RGS22: variants seen among roughly 807,000 people sequenced by gnomAD.
RGS22 encodes the protein regulator of G protein signaling 22.
In RGS22, 148 loss-of-function variants were observed where a neutral mutation model predicts 172.9. The ratio of observed to expected loss-of-function variants is 0.86; its 90% CI spans 0.75 to 0.98. The LOEUF is 0.98. RGS22 is among the 50% of genes least tolerant of loss of function. The pLI, the probability that RGS22 is intolerant of heterozygous loss-of-function variation, is 0.00. For synonymous variants in RGS22, 458 were observed against 480.2 expected (o/e 0.95, Z 0.60); for missense variants, 1,347 against 1,440.8 (o/e 0.93, Z 1.05).
At chr8:100,097,658 G>A (rs987841681) in intron 2 of RGS22, among the ~76,000 whole-genome samples, 3 of 152,188 alleles carry the variant, frequency 2.0e-5, no homozygotes, top group African/African-American at 7.2e-5. Flanking sequence ...TTAGCCTTCT[G>A]TGTATTAAAT....
At chr8:99,979,867 A>C (rs770831610) in intron 22 of RGS22, among the ~76,000 whole-genome samples, 4 of 152,232 alleles carry the variant, frequency 2.6e-5, no homozygotes, top group Non-Finnish European at 5.9e-5. Flanking sequence ...CATGAGAACA[A>C]TCACTTTCAA....
intron 10 of RGS22, among the ~76,000 whole-genome samples, chr8:100,050,544 T>C (rs776049819): frequency 6.6e-6 from 1 of 152,164 alleles, no homozygotes; most frequent in Non-Finnish European, 1.5e-5. Context: ...ACATCCTGAA[T>C]ATAAAGCAAT....
intron 3 of RGS22, among the ~76,000 whole-genome samples, chr8:100,092,933 G>A (rs1001448880): frequency 2.6e-5 from 4 of 152,154 alleles, no homozygotes; most frequent in African/African-American, 9.7e-5. Context: ...CTATCCAAGA[G>A]GATGAAAATA....
At chr8:99,984,492 C>G (rs923747522) in intron 21 of RGS22, among the ~76,000 whole-genome samples, 1 of 151,800 alleles carries the variant, frequency 6.6e-6, no homozygotes, top group African/African-American at 2.4e-5. Context: ...TTAACTCTTG[C>G]CTATTATTAA....
intron 4 of RGS22, among the ~76,000 whole-genome samples, chr8:100,077,189 A>AT (rs989123279): frequency 1.1e-4 from 16 of 151,288 alleles, no homozygotes; most frequent in African/African-American, 3.6e-4. Flanking sequence ...AATTTCATTG[A>AT]TTTTTTCAAA....
chr8:100,072,930 G>A (rs977406727), intron 4 of RGS22, among the ~76,000 whole-genome samples: 2 of 152,146 alleles, frequency 1.3e-5, no homozygotes, highest in Non-Finnish European at 2.9e-5. Flanking sequence ...AGAAAGGTTG[G>A]AGAGGTAGAA....
At chr8:100,018,044 G>A (rs1264107112) in intron 14 of RGS22, among the ~76,000 whole-genome samples, 1 of 152,030 alleles carries the variant, frequency 6.6e-6, no homozygotes, top group Non-Finnish European at 1.5e-5. Flanking sequence ...AGGGATACAA[G>A]CACTGCCTGT....
chr8:100,083,526 C>G (rs1274419982), intron 3 of RGS22, among the ~76,000 whole-genome samples: 3 of 151,898 alleles, frequency 2.0e-5, no homozygotes, highest in African/African-American at 7.3e-5. Flanking sequence ...CACCACCATG[C>G]CAAGCTAATT....
chr8:100,059,894 TG>T, intron 9 of RGS22, among the ~76,000 whole-genome samples: 1 of 152,298 alleles, frequency 6.6e-6, no homozygotes. Flanking sequence ...TTTAAAAAAA[TG>T]GTTTTAATAA....
In RGS22 at chr8:100,105,414, C is replaced by A. The variant is rs903994828; in HGVS notation, c.26-12G>T. 2.5e-6 allele frequency: 4 copies of A among 1,597,374 alleles called. No individual in the cohort carries two copies. The Admixed American group carries it at 6.7e-5, about 27-fold the overall frequency. ...AATAGTTGGTGGCTCTGAAACAAGA[C>A]AAAATATTACATTATCTCCCTCAAA... On this transcript the variant is annotated splice_polypyrimidine_tract_variant and intron_variant, in intron 1 of 27. Transcript: ENST00000360863.
intron 24 of RGS22, 57 bp downstream of exon 24, chr8:99,965,278 T>A: frequency 8.8e-7 from 1 of 1,141,730 alleles, no homozygotes; most frequent in Non-Finnish European, 1.3e-6. Flanking sequence ...AGTTACTGCA[T>A]TCCACTATCC....
intron 11 of RGS22, chr8:100,042,877 T>TTG (rs1820285092): frequency 6.6e-6 from 1 of 152,160 alleles, no homozygotes; most frequent in South Asian, 2.1e-4. Flanking sequence ...TGAGACACAG[T>TTG]TGTGACTAAT....
intron 14 of RGS22, among the ~76,000 whole-genome samples, chr8:100,037,430 A>G (rs931506958): frequency 2.0e-5 from 3 of 152,180 alleles, no homozygotes; most frequent in African/African-American, 7.2e-5. Context: ...AAATGTCTCC[A>G]TTGTTTTCCT....
In RGS22 at chr8:100,063,950, C is replaced by CCTT. The variant is rs745432794; in HGVS notation, c.815_817dup (p.Glu272dup). ...AGATACAGACACCTCTTCTTCTTCT[C>CCTT]CTTCTTCTTCTTCAAATTCAGAAAT... On this transcript the variant is annotated inframe_insertion, in exon 8 of 28. Transcript: ENST00000360863. 6 of 1,576,154 alleles carry CCTT rather than the reference C, an allele frequency of 3.8e-6. No homozygotes were observed. Among genetic ancestry groups the CCTT allele is most frequent in the Admixed American group, 1.9e-5 (1 of 53,708 alleles).
At chr8:100,070,854 G>A (rs1262168919) in intron 6 of RGS22, among the ~76,000 whole-genome samples, 1 of 148,628 alleles carries the variant, frequency 6.7e-6, no homozygotes, top group Non-Finnish European at 1.5e-5. Flanking sequence ...CAGCACTTTG[G>A]GAGGCAGAGG....
At chr8:100,009,946 T>C (rs1430631999) in intron 14 of RGS22, among the ~76,000 whole-genome samples, 2 of 152,210 alleles carry the variant, frequency 1.3e-5, no homozygotes, top group Admixed American at 6.5e-5. Context: ...TGAATATCAA[T>C]GGTTATAATA....
Position 99,961,123 on chromosome 8 carries a change from T to G in RGS22, c.*119A>C, listed in dbSNP as rs1365369154. ...TCAAACTTTATTTAGATGTTAGGCT[T>G]GCTCTGATACAGACCTTCAAAAAAA... On this transcript the variant is annotated 3_prime_UTR_variant, in exon 28 of 28. Coordinates refer to ENST00000360863, the MANE Select transcript of RGS22 (RefSeq NM_015668.5). 1 of 430,034 alleles carries G rather than the reference T, an allele frequency of 2.3e-6. No individual in the cohort carries two copies. 26.6% of individuals were successfully genotyped at this position (430,034 alleles called of 1,614,324 possible).
chr8:100,071,710 TA>T (rs1810995200), intron 5 of RGS22, among the ~76,000 whole-genome samples, 173 bp from the exon 6 acceptor site: 2 of 152,262 alleles, frequency 1.3e-5, no homozygotes, highest in Non-Finnish European at 2.9e-5. Flanking sequence ...AATTAGTTAA[TA>T]ATTATTCATT....
chr8:100,083,606 T>C (rs1271409109), intron 3 of RGS22, among the ~76,000 whole-genome samples: 1 of 152,030 alleles, frequency 6.6e-6, no homozygotes, highest in Non-Finnish European at 1.5e-5. Context: ...GACCTCGTGA[T>C]CCACCCACCT....
Sources: gnomAD v4.1 joint callset for allele counts (sites outside exome capture counted in the v4.1 genomes callset) on GRCh38, gnomAD v4.1.1 for gene constraint, MANE v1.5 for transcripts, NCBI Gene and HGNC (gene_info 2026-07-23, HGNC 2026-07-21) for gene names.